DMPK: variants seen among roughly 807,000 people sequenced by gnomAD.
The protein encoded by DMPK is myotonin-protein kinase.
Under a neutral mutation model 70.3 loss-of-function variants are expected in DMPK, and 32 were observed. The ratio of observed to expected loss-of-function variants is 0.46; its 90% CI spans 0.34 to 0.61. DMPK has a LOEUF of 0.61. Ranked by LOEUF, DMPK falls within the 20% of genes least tolerant of loss-of-function variation. DMPK has a pLI of 0.01. For missense variants in DMPK, 899 were observed against 886.0 expected (o/e 1.01, Z -0.19); for synonymous variants, 469 against 390.9 (o/e 1.20, Z -2.36).
chr19:45,774,950 T>C lies in DMPK; in HGVS notation c.1231A>G (p.Arg411Gly). 6.2e-7 allele frequency: 1 copy of C among 1,613,576 alleles called. No homozygotes were observed. Among genetic ancestry groups the C allele is most frequent in the Non-Finnish European group, 8.5e-7 (1 of 1,179,748 alleles). The change falls in exon 9 of 15, where the codon AGG becomes GGG. Residue 411 changes from arginine to glycine, a missense_variant and splice_region_variant. This residue lies in a region of DMPK where 555 missense variants were observed against 483.8 expected (regional missense o/e 1.15). Transcript: ENST00000291270. Reference protein sequence around the residue: ...VGYSYSCMALRDSEVPGPTPM... With the variant: ...VGYSYSCMALGDSEVPGPTPM... ...GAGGCCGTCCAGGGCAGTGCTTACCTGAGGGCCATGCAGGAGTAGGAGTAG... is the reference window on the plus strand; with the variant it reads ...GAGGCCGTCCAGGGCAGTGCTTACCCGAGGGCCATGCAGGAGTAGGAGTAG...
Position 45,777,986 on chromosome 19 carries a change from A to C in DMPK, c.676-113T>G. ...TTAGCCCCTCCCTCTGCCTGGTCTAATACTCCGCCACACAGATGCACACTT... is the reference window on the plus strand; with the variant it reads ...TTAGCCCCTCCCTCTGCCTGGTCTACTACTCCGCCACACAGATGCACACTT... On this transcript the variant is annotated intron_variant, in intron 6 of 14. Coordinates refer to ENST00000291270, the MANE Select transcript of DMPK (RefSeq NM_004409.5). This position sits in a 1 kb window ranked among gnomAD's most constrained non-coding sequence, Gnocchi z 6.7. 8.0e-7 allele frequency: 1 copy of C among 1,245,108 alleles called. No individual in the cohort carries two copies. Among genetic ancestry groups the C allele is most frequent in the Non-Finnish European group, 1.1e-6 (1 of 885,744 alleles). 77.1% of individuals were successfully genotyped at this position (1,245,108 alleles called of 1,614,324 possible). A position where few individuals can be genotyped will look rare whatever the true frequency, so the allele number is the denominator to read the frequency against.
At chr19:45,779,599 T>G (rs911267281) in intron 2 of DMPK, 77 bp from the exon 3 acceptor site, 6 of 1,589,462 alleles carry the variant, frequency 3.8e-6, no homozygotes, top group Non-Finnish European at 5.1e-6. Context: ...TCCACCCGCT[T>G]CTGCACCCAG....
chr19:45,777,221 G>C lies in DMPK; in HGVS notation c.1146+106C>G. 1.4e-6 allele frequency: 2 copies of C among 1,410,592 alleles called. No individual in the cohort carries two copies. Among genetic ancestry groups the C allele is most frequent in the Non-Finnish European group, 1.9e-6 (2 of 1,072,488 alleles). 87.4% of individuals were successfully genotyped at this position (1,410,592 alleles called of 1,614,324 possible). On this transcript the variant is annotated intron_variant, in intron 8 of 14. Coordinates refer to ENST00000291270, the MANE Select transcript of DMPK (RefSeq NM_004409.5). This position sits in a 1 kb window ranked among gnomAD's most constrained non-coding sequence, Gnocchi z 6.7. ...ATGGGCACAGAGCAGGTGCTCTGGG[G>C]AATGAGTGATTCAGGACCCCAGAAG...
intron 2 of DMPK, 100 bp from the exon 3 acceptor site, chr19:45,779,622 C>G: frequency 1.3e-6 from 2 of 1,563,134 alleles, no homozygotes; most frequent in Non-Finnish European, 1.7e-6. Flanking sequence ...GTGGCCCCGC[C>G]CCACCTGCCA....
At chr19:45,780,486 T>TA in intron 1 of DMPK, 1 of 1,187,210 alleles carries the variant, frequency 8.4e-7, no homozygotes. Context: ...AGGAGTGCTT[T>TA]AGTCCTACCC....
intron 8 of DMPK, among the ~76,000 whole-genome samples, chr19:45,775,767 C>T (rs1377742639): frequency 9.0e-6 from 1 of 110,768 alleles, no homozygotes; most frequent in Non-Finnish European, 1.9e-5. Context: ...ATCTGCCTGC[C>T]TCAGCCTCCC....
chr19:45,779,918 T>C lies in DMPK; in HGVS notation c.161-49A>G, dbSNP rs372164940. On this transcript the variant is annotated intron_variant, in intron 1 of 14. Coordinates refer to ENST00000291270, the MANE Select transcript of DMPK (RefSeq NM_004409.5). ...AACCGAGGGTCACCAGAAAGGGCAC[T>C]GGAGACAAGGGGGAAAGCCCCACCC... 1.9e-6 allele frequency: 3 copies of C among 1,613,382 alleles called. No homozygotes were observed. The African/African-American group carries it at 4.0e-5, about 22-fold the overall frequency.
Position 45,770,383 on chromosome 19 carries a change from G to T in DMPK, c.*105C>A. On this transcript the variant is annotated 3_prime_UTR_variant, in exon 15 of 15. Transcript: ENST00000291270. ...GGACTGGAGCTGGGCGGAGACCCAC[G>T]CTCGGAGCGGTTGTGAACTGGCAGG... 7.1e-7 allele frequency: 1 copy of T among 1,402,858 alleles called. No homozygotes were observed. Among genetic ancestry groups the T allele is most frequent in the Non-Finnish European group, 9.8e-7 (1 of 1,016,872 alleles). 86.9% of individuals were successfully genotyped at this position (1,402,858 alleles called of 1,614,324 possible). A position where few individuals can be genotyped will look rare whatever the true frequency, so the allele number is the denominator to read the frequency against.
Position 45,771,311 on chromosome 19 carries a change from GGCA to G in DMPK, c.1647+36_1647+38del, listed in dbSNP as rs546760773. 8.1e-5 allele frequency: 127 copies of G among 1,566,018 alleles called. No individual in the cohort carries two copies. The East Asian group carries it at 2.7e-3, about 33-fold the overall frequency. On this transcript the variant is annotated intron_variant, in intron 13 of 14. Transcript: ENST00000291270. Reference sequence around the variant, plus strand: ...AGCCAGGGAGGGGATCTGCAGAATGGGCAGCAGGTCTGAGGCAGGGGAAAGAGA... The same window carrying G: ...AGCCAGGGAGGGGATCTGCAGAATGGGCAGGTCTGAGGCAGGGGAAAGAGA...
At position 45,770,124 on chromosome 19, in the gene DMPK, C is replaced by T; in HGVS notation, c.*364G>A. 2 of 643,894 alleles carry T rather than the reference C, an allele frequency of 3.1e-6. No individual in the cohort carries two copies. The highest frequency in any genetic ancestry group is 1.7e-5 in the South Asian group (1 of 60,154). The allele number at this position is 643,894 out of a possible 1,614,324, so 39.9% of individuals were successfully genotyped here. On this transcript the variant is annotated 3_prime_UTR_variant, in exon 15 of 15. Transcript: ENST00000291270. The stretch of plus-strand genomic sequence containing the variant: ...GATGGAACACGGACGGCCCGGCTTG[C>T]TGCCTTCCCAGGCCTGCAGTTTGCC...
intron 6 of DMPK, 94 bp downstream of exon 6, chr19:45,778,033 T>G (rs927848480): frequency 3.1e-6 from 4 of 1,282,660 alleles, no homozygotes; most frequent in Non-Finnish European, 4.4e-6. Context: ...ACACCACCTC[T>G]TTTCCCCTCC....
intron 8 of DMPK, 164 bp from the exon 9 acceptor site, chr19:45,775,198 C>G: frequency 3.4e-6 from 2 of 590,042 alleles, no homozygotes; most frequent in Non-Finnish European, 6.1e-6. Context: ...TACGGAGTCT[C>G]GCTCTGTTAC....
chr19:45,777,572 G>A lies in DMPK; in HGVS notation c.901C>T (p.Leu301=). Residue 301 remains leucine, a synonymous_variant, in exon 8 of 15, where the codon CTG becomes TTG. Coordinates refer to ENST00000291270, the MANE Select transcript of DMPK (RefSeq NM_004409.5). This position sits in a 1 kb window ranked among gnomAD's most constrained non-coding sequence, Gnocchi z 6.7. Reference sequence around the variant, plus strand: ...TCCTCAGGGACCCCTTCGTCCACCAGCGGCAGAGAGAGGTGCTCCTGCTCA... The same window carrying A: ...TCCTCAGGGACCCCTTCGTCCACCAACGGCAGAGAGAGGTGCTCCTGCTCA... The part of the protein sequence containing the change: ...VHYKEHLSLP[L]VDEGVPEEAR... The A allele has an allele frequency of 6.2e-7, 1 of 1,613,496 alleles. No individual in the cohort carries two copies. Among genetic ancestry groups the A allele is most frequent in the South Asian group, 1.1e-5 (1 of 91,070 alleles).
chr19:45,774,929 C>G lies in DMPK; in HGVS notation c.1232+20G>C. Reference sequence around the variant, plus strand: ...CAAGCAGCCTCGTGGCCCCTGGAGGCCGTCCAGGGCAGTGCTTACCTGAGG... The same window carrying G: ...CAAGCAGCCTCGTGGCCCCTGGAGGGCGTCCAGGGCAGTGCTTACCTGAGG... On this transcript the variant is annotated intron_variant, in intron 9 of 14. Transcript: ENST00000291270. The G allele has an allele frequency of 1.2e-6, 2 of 1,601,424 alleles. No homozygotes were observed.
intron 14 of DMPK, 127 bp from the exon 15 acceptor site, chr19:45,770,767 A>G: frequency 1.8e-6 from 2 of 1,142,634 alleles, no homozygotes; most frequent in Non-Finnish European, 1.2e-6. Flanking sequence ...AACAGCCTAC[A>G]GCTGTTGTTA....
chr19:45,779,398 C>T lies in DMPK; in HGVS notation c.337-39G>A, dbSNP rs765177343. On this transcript the variant is annotated intron_variant, in intron 3 of 14. Transcript: ENST00000291270. ...GGAGGAGCTGCAGCCGGAGACGGGGCGCGGATCCTCAAAGCCCCCCACGTC... is the reference window on the plus strand; with the variant it reads ...GGAGGAGCTGCAGCCGGAGACGGGGTGCGGATCCTCAAAGCCCCCCACGTC... 7 of 1,613,844 alleles carry T rather than the reference C, an allele frequency of 4.3e-6. No homozygotes were observed. The East Asian group carries it at 6.7e-5, about 15-fold the overall frequency.
rs1405707813 is a variant in DMPK at position 45,772,464 on chromosome 19, G to A, written c.1344+177C>T. 1.2e-5 allele frequency: 6 copies of A among 500,990 alleles called. No homozygotes were observed. The Admixed American group carries it at 1.3e-4, about 11-fold the overall frequency. 31.0% of individuals were successfully genotyped at this position (500,990 alleles called of 1,614,324 possible). A position where few individuals can be genotyped will look rare whatever the true frequency, so the allele number is the denominator to read the frequency against. On this transcript the variant is annotated intron_variant, in intron 10 of 14. Transcript: ENST00000291270. ...AGCAACACACACACCCTTACTTAAT[G>A]CCCCACTGTAACTACAGAGACCGTC...
chr19:45,778,504 G>C lies in DMPK; in HGVS notation c.570C>G (p.Gly190=). 1 of 1,613,676 alleles carries C rather than the reference G, an allele frequency of 6.2e-7. No individual in the cohort carries two copies. The highest frequency in any genetic ancestry group is 8.5e-7 in the Non-Finnish European group (1 of 1,179,988). ...CATGCTGCACCCACCTGTGCACGTA[G>C]CCAAGCCGGTGCACCGAGTCTATGG... is the stretch of plus-strand genomic sequence containing the variant. The part of the protein sequence containing the change: ...VMAIDSVHRL[G]YVHRDIKPDN... Residue 190 remains glycine (G), a synonymous_variant, in exon 5 of 15, where the codon GGC becomes GGG. Coordinates refer to ENST00000291270, the MANE Select transcript of DMPK (RefSeq NM_004409.5).
At position 45,779,780 on chromosome 19, in the gene DMPK, C is replaced by T; in HGVS notation, c.250G>A (p.Glu84Lys). 1 of 1,556,198 alleles carries T rather than the reference C, an allele frequency of 6.4e-7. No homozygotes were observed. The highest frequency in any genetic ancestry group is 8.7e-7 in the Non-Finnish European group (1 of 1,149,458). ...GGCTCCCGCCCGGTTCGGCTTACCTCGCTGAACGCCCCGCGTCCGATCACC... is the reference window on the plus strand; with the variant it reads ...GGCTCCCGCCCGGTTCGGCTTACCTTGCTGAACGCCCCGCGTCCGATCACC... ...LKVIGRGAFS[E>K]VAVVKMKQTG... The change falls in exon 2 of 15, where the codon GAG becomes AAG. Residue 84 changes from glutamate to lysine, a missense_variant and splice_region_variant. Physicochemically the swap from Glu to Lys is moderately conservative, Grantham distance 56. Coordinates refer to ENST00000291270, the MANE Select transcript of DMPK (RefSeq NM_004409.5).
Sources: allele counts gnomAD v4.1 joint callset (sites outside exome capture counted in the v4.1 genomes callset), GRCh38; gene constraint gnomAD v4.1.1; regional missense constraint gnomAD v4.1.1; non-coding constraint Gnocchi (gnomAD v3.1); transcripts MANE v1.5; gene names NCBI Gene and HGNC (gene_info 2026-07-23, HGNC 2026-07-21).